Variants in CCR3 observed in about 807,000 individuals in gnomAD.
CCR3 encodes C-C motif chemokine receptor 3.
For synonymous variants in CCR3, 203 were observed against 179.2 expected (o/e 1.13, Z -1.06); for missense variants, 419 against 437.5 (o/e 0.96, Z 0.38).
At chr3:46,264,432 G>A in intron 1 of CCR3, 1 of 1,529,766 alleles carries the variant, frequency 6.5e-7, no homozygotes, top group Non-Finnish European at 8.7e-7. Flanking sequence ...ATGCTGTTAA[G>A]AGCACACAAG....
chr3:46,234,821 T>G (rs887841023), intron 2 of CCR3, among the ~76,000 whole-genome samples: 1 of 152,232 alleles, frequency 6.6e-6, no homozygotes, highest in African/African-American at 2.4e-5. Context: ...ATTTAGCTTG[T>G]TTTATGAAGA....
At chr3:46,255,461 C>G (rs917658736) in intron 1 of CCR3, among the ~76,000 whole-genome samples, 1 of 151,946 alleles carries the variant, frequency 6.6e-6, no homozygotes, top group Non-Finnish European at 1.5e-5. Flanking sequence ...TGGTCATGAC[C>G]TCTTTGCCTA....
At chr3:46,246,434 TAC>T (rs1700191922) in intron 1 of CCR3, among the ~76,000 whole-genome samples, 1 of 151,630 alleles carries the variant, frequency 6.6e-6, no homozygotes, top group African/African-American at 2.4e-5. Context: ...AGAGGAAAAT[TAC>T]AGTCAAAGGG....
intron 2 of CCR3, among the ~76,000 whole-genome samples, chr3:46,232,521 G>A (rs1341964770): frequency 6.6e-6 from 1 of 152,204 alleles, no homozygotes; most frequent in Non-Finnish European, 1.5e-5. Context: ...CTAGGGATTG[G>A]GCCTGCCTCA....
intron 2 of CCR3, among the ~76,000 whole-genome samples, chr3:46,232,635 G>A (rs538891411): frequency 1.1e-4 from 16 of 152,208 alleles, no homozygotes; most frequent in Admixed American, 5.2e-4. Context: ...TGGCTGCACC[G>A]GTGGTTTGCC....
chr3:46,254,665 G>C (rs1700382330), intron 1 of CCR3, among the ~76,000 whole-genome samples: 1 of 152,092 alleles, frequency 6.6e-6, no homozygotes, highest in South Asian at 2.1e-4. Context: ...AGTCCCCAAA[G>C]TCCATTTTAT....
At position 46,246,595 on chromosome 3, in the gene CCR3, A is replaced by G. The variant is rs546071641; in HGVS notation, c.-12+4057A>G. ...CCATTTTCACTGCTTTTGTGGTGGA[A>G]TGTCATCAGTTAAGGTGGGGCAGGG... On this transcript the variant is annotated intron_variant, in intron 1 of 1. Coordinates refer to ENST00000395940, the MANE Select transcript of CCR3 (RefSeq NM_178329.3). Among the ~76,000 whole-genome samples, 518 of 151,966 alleles carry G rather than the reference A, an allele frequency of 3.4e-3. 7 individuals are homozygous for G. Among genetic ancestry groups the G allele is most frequent in the African/African-American group, 0.012 (487 of 41,328 alleles).
intron 1 of CCR3, among the ~76,000 whole-genome samples, chr3:46,257,150 G>A (rs1669230395): frequency 6.6e-6 from 1 of 152,166 alleles, no homozygotes; most frequent in African/African-American, 2.4e-5. Flanking sequence ...TGAAGGAACA[G>A]AAGTGATACA....
rs544512531 is a variant in CCR3 at position 46,211,992 on chromosome 3, T to C, written c.-68+1085T>C. On this transcript the variant is annotated intron_variant, in intron 2 of 3. Transcript: ENST00000357422. ...GATACCCCCTCCTGTGTCAGCCCCA[T>C]GACTTGGCCTGCTCGTTCCTCCTCT... is the stretch of plus-strand genomic sequence containing the variant. 3.3e-5 allele frequency among the ~76,000 whole-genome samples: 5 copies of C among 152,320 alleles called. No homozygotes were observed. In the South Asian group the frequency reaches 1.0e-3, roughly 32 times the overall value.
intron 2 of CCR3, among the ~76,000 whole-genome samples, chr3:46,212,590 T>A (rs1699728567): frequency 6.6e-6 from 1 of 152,048 alleles, no homozygotes; most frequent in African/African-American, 2.4e-5. Flanking sequence ...TCCTCCTGCA[T>A]CTCTGCCTCT....
chr3:46,256,967 A>ACT (rs1700439375), intron 1 of CCR3, among the ~76,000 whole-genome samples: 2 of 151,960 alleles, frequency 1.3e-5, no homozygotes, highest in Admixed American at 1.3e-4. Flanking sequence ...ACACACACAC[A>ACT]CAATGCTTAC....
intron 1 of CCR3, among the ~76,000 whole-genome samples, chr3:46,243,016 T>TATATATATATATATATAC (rs1700122982): frequency 1.4e-5 from 2 of 143,134 alleles, no homozygotes; most frequent in Non-Finnish European, 3.0e-5. Context: ...CACACACACA[T>TATATATATATATATATAC]ACATTTTTAT....
chr3:46,218,454 T>A (rs1699800069), intron 2 of CCR3, among the ~76,000 whole-genome samples: 1 of 151,944 alleles, frequency 6.6e-6, no homozygotes, highest in African/African-American at 2.4e-5. Flanking sequence ...AAAGAAGGAA[T>A]CCTCCCTAAA....
At chr3:46,245,093 C>T (rs1375075572) in intron 1 of CCR3, among the ~76,000 whole-genome samples, 1 of 152,118 alleles carries the variant, frequency 6.6e-6, no homozygotes, top group Non-Finnish European at 1.5e-5. Flanking sequence ...CTGAAAGACA[C>T]AAGCATGAGG....
chr3:46,251,614 G>A (rs977569594), intron 1 of CCR3, among the ~76,000 whole-genome samples: 3 of 152,134 alleles, frequency 2.0e-5, no homozygotes, highest in Non-Finnish European at 4.4e-5. Context: ...AATTTCATGT[G>A]CATCCTTGTG....
At chr3:46,241,168 T>TCTCC (rs1453453720), upstream of CCR3, among the ~76,000 whole-genome samples, 2 of 150,620 alleles carry the variant, frequency 1.3e-5, no homozygotes, top group African/African-American at 4.9e-5. Context: ...GTGTGTGCGC[T>TCTCC]CTCTCTCTCT....
At chr3:46,230,795 C>G (rs185122527) in intron 2 of CCR3, among the ~76,000 whole-genome samples, 1 of 152,036 alleles carries the variant, frequency 6.6e-6, no homozygotes, top group Non-Finnish European at 1.5e-5. Context: ...TGTTAAGGAC[C>G]GAGGCACTTT....
chr3:46,266,038 T>C lies in CCR3; in HGVS notation c.880T>C (p.Cys294Arg). 2 of 1,614,108 alleles carry C rather than the reference T, an allele frequency of 1.2e-6. No homozygotes were observed. Among genetic ancestry groups the C allele is most frequent in the South Asian group, 1.1e-5 (1 of 91,088 alleles). ...GACAGAGGTGATCGCCTACTCCCAC[T>C]GCTGCATGAACCCGGTGATCTACGC... ...LVTEVIAYSH[C>R]CMNPVIYAFV... The change falls in exon 2 of 2, where the codon TGC (cysteine) becomes CGC (arginine). Residue 294 changes from cysteine to arginine, a missense_variant. Physicochemically the swap from Cys to Arg is radical, Grantham distance 180. Coordinates refer to ENST00000395940, the MANE Select transcript of CCR3 (RefSeq NM_178329.3).
At chr3:46,261,323 A>AATCTACAAT (rs1700521806) in intron 1 of CCR3, among the ~76,000 whole-genome samples, 1 of 152,260 alleles carries the variant, frequency 6.6e-6, no homozygotes, top group African/African-American at 2.4e-5. Flanking sequence ...TCATCTAATA[A>AATCTACAAT]ATCTACAATA....
Sources: gnomAD v4.1 joint callset for allele counts (sites outside exome capture counted in the v4.1 genomes callset) on GRCh38, gnomAD v4.1.1 for gene constraint, MANE v1.5 for transcripts, NCBI Gene and HGNC (gene_info 2026-07-23, HGNC 2026-07-21) for gene names.